Variants in AP1G1 observed in about 807,000 individuals in gnomAD.
The protein encoded by AP1G1 is adaptor related protein complex 1 subunit gamma 1.
Under a neutral mutation model 108.3 loss-of-function variants are expected in AP1G1, and 7 were observed. The observed-to-expected ratio is 0.06, with a 90% confidence interval of 0.04 to 0.12. The LOEUF (loss-of-function observed/expected upper bound fraction) is 0.12. AP1G1 is among the 10% of genes least tolerant of loss of function. The pLI is 1.00. For missense variants in AP1G1, 756 were observed against 1,010.7 expected (o/e 0.75, Z 3.42); for synonymous variants, 379 against 353.5 (o/e 1.07, Z -0.81).
rs765859475 is a variant in AP1G1 at position 71,740,373 on chromosome 16, T to A, written c.2000-1032A>T. Among the ~76,000 whole-genome samples the A allele has an allele frequency of 2.0e-5, 3 of 152,190 alleles. No homozygotes were observed. The South Asian group carries it at 6.2e-4, about 32-fold the overall frequency. On this transcript the variant is annotated intron_variant, in intron 19 of 22. Coordinates refer to ENST00000299980, the MANE Select transcript of AP1G1 (RefSeq NM_001128.6). The stretch of plus-strand genomic sequence containing the variant: ...CCCTGGAGGGCAAAATCTTCCCCAG[T>A]TGAGAACCGATTACCCCTTCTTAGG...
At chr16:71,748,166 T>C (rs1044472578) in intron 16 of AP1G1, 85 bp downstream of exon 16, 15 of 1,451,878 alleles carry the variant, frequency 1.0e-5, no homozygotes, top group Non-Finnish European at 1.3e-5. Flanking sequence ...TGCTTGAAAT[T>C]TTCCATGATA....
rs1051720112 is a variant in AP1G1 at position 71,755,018 on chromosome 16, C to G, written c.1229+1001G>C. On this transcript the variant is annotated intron_variant, in intron 12 of 22. Coordinates refer to ENST00000299980, the MANE Select transcript of AP1G1 (RefSeq NM_001128.6). ...GACTAAAAACTTGTTTCCTTAAATT[C>G]AGAGTGGAAAGAAGAGAAAGAATAG... Among the ~76,000 whole-genome samples the G allele has an allele frequency of 3.3e-5, 5 of 152,270 alleles. No homozygotes were observed. In the East Asian group the frequency reaches 5.8e-4, roughly 18 times the overall value.
chr16:71,806,539 G>A (rs2033003420), intron 1 of AP1G1: 2 of 391,678 alleles, frequency 5.1e-6, no homozygotes, highest in South Asian at 4.7e-5. Flanking sequence ...CTGAGCGCCC[G>A]CCTGAATGAC....
At chr16:71,750,130 G>T in intron 14 of AP1G1, 80 bp downstream of exon 14, 1 of 1,552,826 alleles carries the variant, frequency 6.4e-7, no homozygotes, top group Non-Finnish European at 8.8e-7. Flanking sequence ...GAGAGAGGAG[G>T]GGGGAAAAAA....
Position 71,732,387 on chromosome 16 carries a change from A to T in AP1G1, c.*671T>A, listed in dbSNP as rs996971194. On this transcript the variant is annotated 3_prime_UTR_variant, in exon 23 of 23. Transcript: ENST00000299980. ...AAGCTCTTTTTAACTCCATCTGTCCAGTGTTTACAAATAAACTCGCAAGGT... is the reference window on the plus strand; with the variant it reads ...AAGCTCTTTTTAACTCCATCTGTCCTGTGTTTACAAATAAACTCGCAAGGT... The T allele has an allele frequency of 6.6e-6, 1 of 152,650 alleles. No homozygotes were observed. The highest frequency in any genetic ancestry group is 1.5e-5 in the Non-Finnish European group (1 of 68,060). 9.5% of individuals were successfully genotyped at this position (152,650 alleles called of 1,614,324 possible).
chr16:71,754,945 AAAG>A (rs1313633020), intron 12 of AP1G1, among the ~76,000 whole-genome samples: 1 of 152,226 alleles, frequency 6.6e-6, no homozygotes, highest in African/African-American at 2.4e-5. Context: ...AGGAGACGAT[AAAG>A]AAGAAAGAAG....
chr16:71,734,704 A>T lies in AP1G1; in HGVS notation c.2272T>A (p.Phe758Ile). 6.2e-7 allele frequency: 1 copy of T among 1,613,294 alleles called. No homozygotes were observed. The highest frequency in any genetic ancestry group is 8.5e-7 in the Non-Finnish European group (1 of 1,179,206). ...CTAGGAGACAAGAGCTGCAGCTGGA[A>T]TGTCTAGGGGGGAACAAAGGGCACT... ...FVFQAAVPKT[F>I]QLQLLSPSSS... Residue 758 changes from phenylalanine (F) to isoleucine (I), a missense_variant, in exon 22 of 23, where the codon TTC (phenylalanine) becomes ATC (isoleucine). This residue lies in a region of AP1G1 where 95 missense variants were observed against 160.5 expected (regional missense o/e 0.59). Coordinates refer to ENST00000299980, the MANE Select transcript of AP1G1 (RefSeq NM_001128.6).
At chr16:71,784,686 G>A (rs1211636246) in intron 2 of AP1G1, among the ~76,000 whole-genome samples, 1 of 151,816 alleles carries the variant, frequency 6.6e-6, no homozygotes. Flanking sequence ...AGCCTCCCAA[G>A]TAGCTGGGAT....
At chr16:71,800,504 A>G (rs1018848935) in intron 1 of AP1G1, among the ~76,000 whole-genome samples, 1 of 151,320 alleles carries the variant, frequency 6.6e-6, no homozygotes, top group African/African-American at 2.4e-5. Flanking sequence ...CAACATGGAG[A>G]AACCCCCCCG....
chr16:71,789,568 T>A, intron 1 of AP1G1, 86 bp from the exon 2 acceptor site: 1 of 1,378,506 alleles, frequency 7.3e-7, no homozygotes, highest in Non-Finnish European at 1.0e-6. Context: ...AATTTTTGAC[T>A]AGTTTTTAAG....
chr16:71,770,089 A>C (rs974089601), intron 5 of AP1G1, among the ~76,000 whole-genome samples: 4 of 152,212 alleles, frequency 2.6e-5, no homozygotes, highest in African/African-American at 9.7e-5. Flanking sequence ...AATCTTAGTA[A>C]GATTTTACAT....
chr16:71,796,682 C>A (rs922187712), intron 1 of AP1G1, among the ~76,000 whole-genome samples: 9 of 152,142 alleles, frequency 5.9e-5, no homozygotes, highest in African/African-American at 2.2e-4. Flanking sequence ...GATACCACCC[C>A]ACCCTGTCTA....
At chr16:71,768,262 C>CTA (rs1597062369) in intron 6 of AP1G1, among the ~76,000 whole-genome samples, 1 of 149,252 alleles carries the variant, frequency 6.7e-6, no homozygotes, top group East Asian at 2.0e-4. Context: ...CTTGAGGAGG[C>CTA]TGAGGCGGGT....
At chr16:71,767,739 T>C (rs2031373025) in intron 6 of AP1G1, 2 of 832,666 alleles carry the variant, frequency 2.4e-6, no homozygotes, top group Non-Finnish European at 3.7e-6. Context: ...TAGCCAAAGA[T>C]GGTAGAACAA....
chr16:71,745,705 G>A (rs1024166924), intron 17 of AP1G1, 91 bp from the exon 18 acceptor site: 1 of 1,096,200 alleles, frequency 9.1e-7, no homozygotes, highest in African/African-American at 1.5e-5. Flanking sequence ...GCCCAAGCAT[G>A]GAGATCTATC....
At chr16:71,753,776 T>G in intron 13 of AP1G1, 57 bp downstream of exon 13, 1 of 1,474,298 alleles carries the variant, frequency 6.8e-7, no homozygotes, top group African/African-American at 1.4e-5. Flanking sequence ...ATAAACTTCA[T>G]GATAACATCA....
At chr16:71,797,654 C>T (rs981554482) in intron 1 of AP1G1, among the ~76,000 whole-genome samples, 2 of 152,094 alleles carry the variant, frequency 1.3e-5, no homozygotes, top group African/African-American at 4.8e-5. Context: ...CAAAAATTAG[C>T]CGGGCGCAGT....
chr16:71,768,976 T>TA (rs1567652782), intron 6 of AP1G1, among the ~76,000 whole-genome samples: 64 of 32,216 alleles, frequency 2.0e-3, no homozygotes, highest in African/African-American at 3.6e-3. Flanking sequence ...AAAAAAAAAA[T>TA]ACAAAAAAAA....
At chr16:71,763,624 ATATGG>A (rs1245097814) in intron 9 of AP1G1, among the ~76,000 whole-genome samples, 2 of 152,242 alleles carry the variant, frequency 1.3e-5, no homozygotes, top group African/African-American at 4.8e-5. Flanking sequence ...CGAACAATAT[ATATGG>A]TATGTTACCA....
Sources: allele counts gnomAD v4.1 joint callset (sites outside exome capture counted in the v4.1 genomes callset), GRCh38; gene constraint gnomAD v4.1.1; regional missense constraint gnomAD v4.1.1; transcripts MANE v1.5; gene names NCBI Gene and HGNC (gene_info 2026-07-23, HGNC 2026-07-21).